Variants in MAPT observed in about 807,000 individuals in gnomAD.
The protein encoded by MAPT is microtubule associated protein tau, also known as microtubule-associated protein tau.
A neutral mutation model predicts 67.9 loss-of-function variants in MAPT; 34 were observed. The ratio of observed to expected loss-of-function variants is 0.50; its 90% CI spans 0.38 to 0.67. MAPT has a LOEUF of 0.67. MAPT is among the 30% of genes least tolerant of loss of function. The pLI, the probability that MAPT is intolerant of heterozygous loss-of-function variation, is 0.00. For missense variants in MAPT, 881 were observed against 1,115.2 expected (o/e 0.79, Z 2.99); for synonymous variants, 456 against 464.5 (o/e 0.98, Z 0.23).
At chr17:45,902,439 C>T (rs1043590022) in intron 1 of MAPT, among the ~76,000 whole-genome samples, 1 of 152,170 alleles carries the variant, frequency 6.6e-6, no homozygotes, top group African/African-American at 2.4e-5. Flanking sequence ...TTTGAATGGG[C>T]ACAGATGACC....
In MAPT at chr17:45,995,972, A is replaced by G. The variant is rs2074434814; in HGVS notation, c.1733-427A>G. On this transcript the variant is annotated intron_variant, in intron 8 of 12. Transcript: ENST00000262410. This position sits in a 1 kb window ranked among gnomAD's most constrained non-coding sequence, Gnocchi z 4.3. ...ATTGTATTAGAGGTTGGCAAAGCAT[A>G]TCTACCACCTCCTGGAGCCACGCTG... Among the ~76,000 whole-genome samples the G allele has an allele frequency of 6.6e-6, 1 of 152,194 alleles. No individual in the cohort carries two copies. Among genetic ancestry groups the G allele is most frequent in the African/African-American group, 2.4e-5 (1 of 41,444 alleles).
chr17:46,005,115 A>T (rs1266760559), intron 9 of MAPT, among the ~76,000 whole-genome samples: 6 of 152,242 alleles, frequency 3.9e-5, no homozygotes, highest in Admixed American at 3.9e-4. Flanking sequence ...TGTGGCAGAT[A>T]CTGAATTATT....
At chr17:45,949,004 G>T (rs1568219298) in intron 1 of MAPT, among the ~76,000 whole-genome samples, 1 of 152,218 alleles carries the variant, frequency 6.6e-6, no homozygotes, top group Non-Finnish European at 1.5e-5. Context: ...TGTTTTTAAC[G>T]ATAGCTTTAT....
In MAPT at chr17:45,958,725, GAA is replaced by G. The variant is rs1186779352; in HGVS notation, c.-17-3582_-17-3581del. The stretch of plus-strand genomic sequence containing the variant: ...AACAGAGTGAGACCCTGACTTAAAA[GAA>G]AAAAAAAAAAAAAGAGGAGAAAAAT... On this transcript the variant is annotated intron_variant, in intron 1 of 12. Coordinates refer to ENST00000262410, the MANE Select transcript of MAPT (RefSeq NM_001377265.1). 6.5e-4 allele frequency among the ~76,000 whole-genome samples: 47 copies of G among 72,124 alleles called. 1 individual carries two copies. The highest frequency in any genetic ancestry group is 7.6e-3 in the Middle Eastern group (1 of 132). The allele number at this position is 72,124 out of a possible 152,430, so 47.3% of individuals were successfully genotyped here. A position where few individuals can be genotyped will look rare whatever the true frequency, so the allele number is the denominator to read the frequency against.
intron 9 of MAPT, among the ~76,000 whole-genome samples, chr17:45,998,645 A>G (rs558106512): frequency 6.6e-6 from 1 of 152,228 alleles, no homozygotes; most frequent in South Asian, 2.1e-4. Flanking sequence ...CTGGACCCTC[A>G]TCCACCACAG....
chr17:45,908,833 G>A (rs1183146906), intron 1 of MAPT, among the ~76,000 whole-genome samples: 3 of 152,176 alleles, frequency 2.0e-5, no homozygotes, highest in Admixed American at 2.0e-4. Context: ...CAGCTACAAA[G>A]TGAAGATACC....
At chr17:45,911,785 A>AAC (rs66619507) in intron 1 of MAPT, among the ~76,000 whole-genome samples, 21,789 of 152,178 alleles carry the variant, frequency 0.14, 2,125 homozygotes, top group Middle Eastern at 0.22. Context: ...CAAACAACAA[A>AAC]AAAAAAGGCT....
chr17:45,947,981 T>C (rs62062792), intron 1 of MAPT, among the ~76,000 whole-genome samples: 21,779 of 152,132 alleles, frequency 0.14, 2,120 homozygotes, highest in Non-Finnish European at 0.22. Flanking sequence ...AACCATTTAA[T>C]GACTAGGTTT....
At chr17:46,016,736 A>G (rs753232553) in intron 11 of MAPT, among the ~76,000 whole-genome samples, 4 of 152,220 alleles carry the variant, frequency 2.6e-5, no homozygotes, top group Non-Finnish European at 5.9e-5. Flanking sequence ...GCGCCACTGC[A>G]TACCAGCCTA....
At position 45,996,391 on chromosome 17, in the gene MAPT, C is replaced by T; in HGVS notation, c.1733-8C>T. 4 of 1,611,006 alleles carry T rather than the reference C, an allele frequency of 2.5e-6. No homozygotes were observed. The highest frequency in any genetic ancestry group is 1.1e-5 in the South Asian group (1 of 91,088). ...AGTCCTGGCTTCACTCCCTTCCTTC[C>T]TTCCCAGGTGAACCTCCAAAATCAG... On this transcript the variant is annotated splice_polypyrimidine_tract_variant and splice_region_variant and intron_variant, in intron 8 of 12. Transcript: ENST00000262410. The surrounding 1 kb of genome is among the most constrained non-coding windows in gnomAD (Gnocchi z 4.5).
chr17:45,971,725 G>A lies in MAPT; in HGVS notation c.134-134G>A, dbSNP rs547808381. 2.2e-5 allele frequency: 16 copies of A among 726,286 alleles called. No individual in the cohort carries two copies. Among genetic ancestry groups the A allele is most frequent in the South Asian group, 2.1e-4 (14 of 67,608 alleles). 45.0% of individuals were successfully genotyped at this position (726,286 alleles called of 1,614,324 possible). A position where few individuals can be genotyped will look rare whatever the true frequency, so the allele number is the denominator to read the frequency against. ...TTGGTCCCCTTTGTGGGTTTGTTGC[G>A]AGGCCGTGTTCCAGCTGTTTCCACA... is the stretch of plus-strand genomic sequence containing the variant. On this transcript the variant is annotated intron_variant, in intron 2 of 12. Transcript: ENST00000262410. The surrounding 1 kb of genome is among the most constrained non-coding windows in gnomAD (Gnocchi z 4.3).
At chr17:45,998,301 A>G (rs2074680488) in intron 9 of MAPT, among the ~76,000 whole-genome samples, 2 of 148,668 alleles carry the variant, frequency 1.3e-5, no homozygotes, top group Admixed American at 1.3e-4. Context: ...GTCACATCCC[A>G]TCGGGATGGA....
intron 9 of MAPT, among the ~76,000 whole-genome samples, chr17:46,005,840 T>C (rs578072486): frequency 6.6e-6 from 1 of 152,328 alleles, no homozygotes; most frequent in Admixed American, 6.5e-5. Context: ...TTATTAGGTT[T>C]ATGAGGCTGT....
At chr17:45,939,342 G>T (rs923283022) in intron 1 of MAPT, among the ~76,000 whole-genome samples, 1 of 152,160 alleles carries the variant, frequency 6.6e-6, no homozygotes, top group African/African-American at 2.4e-5. Context: ...CAAGTAACCC[G>T]GGTCATATTT....
chr17:46,014,451 G>A, intron 11 of MAPT, 127 bp downstream of exon 11: 1 of 750,988 alleles, frequency 1.3e-6, no homozygotes, highest in Non-Finnish European at 2.4e-6. Context: ...CTACATCAAG[G>A]AAAGTGTTGA....
chr17:45,956,335 A>C (rs1000329742), intron 1 of MAPT, among the ~76,000 whole-genome samples: 10 of 152,050 alleles, frequency 6.6e-5, no homozygotes, highest in African/African-American at 2.2e-4. Flanking sequence ...GGTGATGAAC[A>C]CAGCACAGAG....
At chr17:45,904,210 A>T (rs2064044129) in intron 1 of MAPT, among the ~76,000 whole-genome samples, 1 of 44,076 alleles carries the variant, frequency 2.3e-5, no homozygotes, top group African/African-American at 8.1e-5. Context: ...TATCTAATAT[A>T]TTATATATAT....
At chr17:45,908,623 G>A (rs2064506047) in intron 1 of MAPT, among the ~76,000 whole-genome samples, 1 of 152,138 alleles carries the variant, frequency 6.6e-6, no homozygotes, top group Non-Finnish European at 1.5e-5. Context: ...GGAGTGATGG[G>A]GAACAGAGAA....
intron 1 of MAPT, among the ~76,000 whole-genome samples, chr17:45,899,393 C>A (rs1221542108): frequency 6.6e-6 from 1 of 152,168 alleles, no homozygotes; most frequent in Non-Finnish European, 1.5e-5. Flanking sequence ...TTTTAGGAGG[C>A]CCTATTCTAA....
Sources: gnomAD v4.1 joint callset for allele counts (sites outside exome capture counted in the v4.1 genomes callset) on GRCh38, gnomAD v4.1.1 for gene constraint, Gnocchi (gnomAD v3.1) non-coding constraint, MANE v1.5 for transcripts, NCBI Gene and HGNC (gene_info 2026-07-23, HGNC 2026-07-21) for gene names.